ZC3H12B: variants seen among roughly 807,000 people sequenced by gnomAD.
ZC3H12B encodes the protein zinc finger CCCH-type containing 12B.
ZC3H12B carries 7 observed loss-of-function variants against 43.9 expected under a neutral mutation model. The observed-to-expected ratio is 0.16, with a 90% CI of 0.09 to 0.30. The LOEUF is 0.30. Among genes scored for constraint, ZC3H12B ranks in the 10% least tolerant of loss-of-function variants. The pLI, the probability that ZC3H12B is intolerant of heterozygous loss-of-function variation, is 1.00. For synonymous variants in ZC3H12B, 222 were observed against 241.7 expected (o/e 0.92, Z 0.76); for missense variants, 475 against 670.2 (o/e 0.71, Z 3.22).
the ZC3H12B span, among the ~76,000 whole-genome samples, chrX:65,092,273 T>C: frequency 8.9e-6 from 1 of 111,821 alleles, no homozygotes; most frequent in East Asian, 2.8e-4. Flanking sequence ...GGCATTTCTT[T>C]ATATGAATGA....
the ZC3H12B span, among the ~76,000 whole-genome samples, chrX:65,329,911 T>A: frequency 9.0e-6 from 1 of 111,477 alleles, no homozygotes; most frequent in Non-Finnish European, 1.9e-5. Flanking sequence ...GGTCTATATC[T>A]CTGTTTTGGT....
chrX:65,489,974 G>A (rs1285949603), intron 1 of ZC3H12B, among the ~76,000 whole-genome samples: 1 of 111,231 alleles, frequency 9.0e-6, no homozygotes, highest in South Asian at 3.8e-4. Context: ...AATTAGAAGT[G>A]GCCTGCTTTG....
the ZC3H12B span, among the ~76,000 whole-genome samples, chrX:65,184,504 G>T: frequency 1.2e-4 from 13 of 111,540 alleles, no homozygotes; most frequent in Non-Finnish European, 1.5e-4. Context: ...GGTGGATTTT[G>T]TGATGGATGG....
At chrX:65,308,567 G>C in the ZC3H12B span, among the ~76,000 whole-genome samples, 3 of 111,292 alleles carry the variant, frequency 2.7e-5, no homozygotes, top group African/African-American at 9.8e-5. Context: ...CTGTCAGTAT[G>C]AGACAGATCA....
At chrX:65,261,903 G>A in the ZC3H12B span, among the ~76,000 whole-genome samples, 1 of 110,609 alleles carries the variant, frequency 9.0e-6, no homozygotes, top group Non-Finnish European at 1.9e-5. Context: ...GCCTAAATAT[G>A]CAGATGCTTA....
chrX:65,212,147 C>T, the ZC3H12B span, among the ~76,000 whole-genome samples: 2 of 45,566 alleles, frequency 4.4e-5, no homozygotes, highest in African/African-American at 1.8e-4. Context: ...ATTATATTAA[C>T]ATTATATTAG....
the ZC3H12B span, among the ~76,000 whole-genome samples, chrX:65,218,439 G>A: frequency 1.8e-5 from 2 of 111,906 alleles, no homozygotes; most frequent in Non-Finnish European, 3.8e-5. Flanking sequence ...CCTGCTCACT[G>A]GCTGCTGGGA....
At chrX:65,041,067 C>T in the ZC3H12B span, among the ~76,000 whole-genome samples, 3 of 112,691 alleles carry the variant, frequency 2.7e-5, no homozygotes, top group Admixed American at 1.9e-4. Flanking sequence ...CGTGAGCCAT[C>T]GTGCCCAGCC....
At chrX:65,198,640 A>T in the ZC3H12B span, among the ~76,000 whole-genome samples, 5 of 110,109 alleles carry the variant, frequency 4.5e-5, 1 homozygote, top group African/African-American at 1.7e-4. Context: ...TTTATGTTTG[A>T]CCTCCATGAG....
chrX:65,215,999 G>T, the ZC3H12B span, among the ~76,000 whole-genome samples: 1 of 111,426 alleles, frequency 9.0e-6, no homozygotes, highest in Non-Finnish European at 1.9e-5. Context: ...GCCACATATG[G>T]GTGTGGTTTG....
the ZC3H12B span, among the ~76,000 whole-genome samples, chrX:65,284,623 T>A: frequency 9.1e-6 from 1 of 110,369 alleles, no homozygotes; most frequent in African/African-American, 3.3e-5. Flanking sequence ...TATCTGGGCG[T>A]GGTTGTATGT....
the ZC3H12B span, among the ~76,000 whole-genome samples, chrX:65,331,808 G>A: frequency 9.0e-6 from 1 of 111,029 alleles, no homozygotes; most frequent in African/African-American, 3.3e-5. Flanking sequence ...AACATATAGG[G>A]TAACTTCCTG....
At chrX:65,138,209 G>T in the ZC3H12B span, among the ~76,000 whole-genome samples, 1 of 111,905 alleles carries the variant, frequency 8.9e-6, no homozygotes, top group African/African-American at 3.2e-5. Context: ...ACTGAAATTT[G>T]ATATCCTTTG....
chrX:65,069,219 G>T, the ZC3H12B span, among the ~76,000 whole-genome samples: 186 of 105,618 alleles, frequency 1.8e-3, 2 homozygotes, highest in African/African-American at 4.8e-3. Context: ...ACTTTCTTCT[G>T]CTGTCTTTTT....
At chrX:65,269,125 T>A in the ZC3H12B span, among the ~76,000 whole-genome samples, 1 of 110,944 alleles carries the variant, frequency 9.0e-6, no homozygotes, top group Admixed American at 9.6e-5. Context: ...GGTGGGTGGA[T>A]CACAAGGTCA....
the ZC3H12B span, among the ~76,000 whole-genome samples, chrX:65,220,726 G>T: frequency 1.8e-5 from 2 of 112,052 alleles, no homozygotes; most frequent in African/African-American, 6.5e-5. Flanking sequence ...CATAAGAAAT[G>T]TGATAGACAA....
At chrX:65,429,724 G>T (rs1326066799) in intron 3 of ZC3H12B, among the ~76,000 whole-genome samples, 3 of 112,255 alleles carry the variant, frequency 2.7e-5, no homozygotes, top group African/African-American at 9.7e-5. Flanking sequence ...TAGATAAATG[G>T]CTAGAGTGGC....
At chrX:65,094,296 G>A in the ZC3H12B span, among the ~76,000 whole-genome samples, 1 of 108,169 alleles carries the variant, frequency 9.2e-6, no homozygotes, top group East Asian at 2.9e-4. Flanking sequence ...CAAGTGTCAG[G>A]CATTTCTTTA....
At chrX:65,147,139 G>A in the ZC3H12B span, among the ~76,000 whole-genome samples, 26,731 of 111,530 alleles carry the variant, frequency 0.24, 7,619 homozygotes, top group African/African-American at 0.82. Flanking sequence ...GTTGGAAAAG[G>A]TGCTTGATAT....
Sources: gnomAD v4.1 joint callset for allele counts (sites outside exome capture counted in the v4.1 genomes callset) on GRCh38, gnomAD v4.1.1 for gene constraint, MANE v1.5 for transcripts, NCBI Gene and HGNC (gene_info 2026-07-23, HGNC 2026-07-21) for gene names.